Variants in TMTC2 observed in about 807,000 individuals in gnomAD.
TMTC2 encodes the protein protein O-mannosyl-transferase TMTC2.
A neutral mutation model predicts 82.4 loss-of-function variants in TMTC2; 43 were observed. The observed-to-expected ratio is 0.52, with a 90% CI of 0.41 to 0.67. The LOEUF (loss-of-function observed/expected upper bound fraction) is 0.67, where lower values mean the gene tolerates loss of function less well. Ranked by LOEUF, TMTC2 falls within the 30% of genes least tolerant of loss-of-function variation. The pLI is 0.00. For synonymous variants in TMTC2, 408 were observed against 381.9 expected, an observed-to-expected ratio of 1.07 and a Z score of -0.80; for missense variants, 919 against 1,012.4, an observed-to-expected ratio of 0.91 and a Z score of 1.25.
chr12:83,061,137 G>T (rs1882724493), intron 10 of TMTC2, among the ~76,000 whole-genome samples: 1 of 151,782 alleles, frequency 6.6e-6, no homozygotes, highest in South Asian at 2.1e-4. Flanking sequence ...TTCTGGCCTT[G>T]CTTTCATCTT....
At chr12:82,840,506 G>C (rs571603294) in intron 1 of TMTC2, among the ~76,000 whole-genome samples, 1 of 152,222 alleles carries the variant, frequency 6.6e-6, no homozygotes, top group South Asian at 2.1e-4. Flanking sequence ...TAATTAGCAC[G>C]GTTACTTGTA....
chr12:82,707,623 GGGGAAT>G (rs756325650), intron 1 of TMTC2, among the ~76,000 whole-genome samples: 2 of 152,166 alleles, frequency 1.3e-5, no homozygotes, highest in Non-Finnish European at 2.9e-5. Context: ...ATCCTGACTT[GGGGAAT>G]GGTAGGGATA....
intron 11 of TMTC2, among the ~76,000 whole-genome samples, chr12:83,103,115 A>T (rs957573692): frequency 6.6e-6 from 1 of 152,162 alleles, no homozygotes; most frequent in Non-Finnish European, 1.5e-5. Context: ...TGCAAACTAG[A>T]GGTTGGGATC....
intron 11 of TMTC2, among the ~76,000 whole-genome samples, chr12:83,079,663 C>T (rs1457446891): frequency 1.3e-5 from 2 of 152,234 alleles, no homozygotes; most frequent in East Asian, 1.9e-4. Flanking sequence ...TGATTGGATA[C>T]ACTTTTAAAA....
intron 2 of TMTC2, among the ~76,000 whole-genome samples, chr12:82,877,311 T>C (rs1475540169): frequency 5.3e-5 from 8 of 152,204 alleles, no homozygotes; most frequent in Non-Finnish European, 1.2e-4. Context: ...TATAGGAGTT[T>C]CTCAAATCCT....
intron 1 of TMTC2, among the ~76,000 whole-genome samples, chr12:82,731,941 T>G (rs1180270975): frequency 1.3e-5 from 2 of 152,244 alleles, no homozygotes; most frequent in African/African-American, 4.8e-5. Context: ...TTCCCTTTTC[T>G]TTCTCCTTGC....
chr12:82,838,120 C>G (rs1490136250), intron 1 of TMTC2, among the ~76,000 whole-genome samples: 1 of 152,198 alleles, frequency 6.6e-6, no homozygotes, highest in African/African-American at 2.4e-5. Context: ...CCCTATCCTT[C>G]TTCTCCCCTC....
intron 3 of TMTC2, among the ~76,000 whole-genome samples, chr12:82,902,487 T>C (rs184521289): frequency 6.6e-6 from 1 of 152,364 alleles, no homozygotes; most frequent in Admixed American, 6.5e-5. Flanking sequence ...AGACAAGTTA[T>C]TGATTTTCAG....
At chr12:82,870,412 C>G (rs1872115297) in intron 2 of TMTC2, among the ~76,000 whole-genome samples, 1 of 152,184 alleles carries the variant, frequency 6.6e-6, no homozygotes, top group African/African-American at 2.4e-5. Context: ...TGGTTATTTC[C>G]TTTACTAACA....
chr12:83,088,434 G>A (rs1883733068), intron 11 of TMTC2, among the ~76,000 whole-genome samples: 1 of 152,164 alleles, frequency 6.6e-6, no homozygotes, highest in Non-Finnish European at 1.5e-5. Flanking sequence ...GGCCTGTCTT[G>A]CCTTTTGATA....
At chr12:83,115,435 A>G (rs1256836488) in intron 11 of TMTC2, among the ~76,000 whole-genome samples, 1 of 152,192 alleles carries the variant, frequency 6.6e-6, no homozygotes, top group African/African-American at 2.4e-5. Context: ...ATTCTTTTCT[A>G]AATTTCTTAA....
At chr12:82,719,164 G>A (rs1220706319) in intron 1 of TMTC2, among the ~76,000 whole-genome samples, 2 of 128,356 alleles carry the variant, frequency 1.6e-5, no homozygotes, top group East Asian at 5.0e-4. Context: ...CACGATCTCA[G>A]CTCACTGCAA....
chr12:82,696,348 G>A (rs545684128), intron 1 of TMTC2, among the ~76,000 whole-genome samples: 23 of 152,152 alleles, frequency 1.5e-4, no homozygotes, highest in Middle Eastern at 3.4e-3. Flanking sequence ...AAAAAATATG[G>A]TACTGAATTA....
At chr12:82,724,699 C>G (rs1229860328) in intron 1 of TMTC2, among the ~76,000 whole-genome samples, 1 of 152,084 alleles carries the variant, frequency 6.6e-6, no homozygotes, top group Non-Finnish European at 1.5e-5. Flanking sequence ...GACTTACAAC[C>G]AGTTGTCAGG....
chr12:82,830,458 A>T (rs1306312509), intron 1 of TMTC2, among the ~76,000 whole-genome samples: 2 of 152,088 alleles, frequency 1.3e-5, no homozygotes, highest in African/African-American at 4.8e-5. Context: ...TAGTTTACAG[A>T]TAGCTAGATA....
chr12:83,091,640 T>C (rs1592740812), intron 11 of TMTC2, among the ~76,000 whole-genome samples: 1 of 152,226 alleles, frequency 6.6e-6, no homozygotes, highest in Non-Finnish European at 1.5e-5. Flanking sequence ...TAATAACAGG[T>C]ATTTTCATTT....
intron 1 of TMTC2, among the ~76,000 whole-genome samples, chr12:82,710,188 A>G (rs1873556734): frequency 6.6e-6 from 1 of 152,224 alleles, no homozygotes; most frequent in African/African-American, 2.4e-5. Flanking sequence ...GAGGTTTACA[A>G]GTTTTGCTTA....
rs530403283 is a variant in TMTC2, at chr12:82,715,507, G to A, written c.83+27838G>A. On this transcript the variant is annotated intron_variant, in intron 1 of 11. Transcript: ENST00000321196. ...GTCTGGAACAAAGTCTGTTGGCCAC[G>A]CAGAGCACACAGTGGTTTGTGACAA... Among the ~76,000 whole-genome samples the A allele has an allele frequency of 1.8e-4, 27 of 152,268 alleles. 2 individuals carry two copies. The South Asian group carries it at 3.1e-3, about 18-fold the overall frequency.
chr12:82,773,556 G>C (rs1877427171), intron 1 of TMTC2, among the ~76,000 whole-genome samples: 1 of 151,916 alleles, frequency 6.6e-6, no homozygotes, highest in African/African-American at 2.4e-5. Flanking sequence ...TGCCTCCCGG[G>C]TTCAAGTGAT....
Sources: gnomAD v4.1 joint callset for allele counts (sites outside exome capture counted in the v4.1 genomes callset) on GRCh38, gnomAD v4.1.1 for gene constraint, MANE v1.5 for transcripts, NCBI Gene and HGNC (gene_info 2026-07-23, HGNC 2026-07-21) for gene names.